PTPRN2: variants seen among roughly 807,000 people sequenced by gnomAD.
The protein encoded by PTPRN2 is receptor-type tyrosine-protein phosphatase N2.
A neutral mutation model predicts 118.8 loss-of-function variants in PTPRN2; 74 were observed. That is an observed-to-expected ratio of 0.62 (90% CI 0.52 to 0.76). PTPRN2 has a LOEUF of 0.76. Among genes scored for constraint, PTPRN2 ranks in the 30% least tolerant of loss-of-function variants. The pLI is 0.00. For synonymous variants in PTPRN2, 641 were observed against 608.0 expected, an observed-to-expected ratio of 1.05 and a Z score of -0.80; for missense variants, 1,481 against 1,394.4, an observed-to-expected ratio of 1.06 and a Z score of -0.99.
intron 11 of PTPRN2, among the ~76,000 whole-genome samples, chr7:158,072,050 G>T (rs1414639494): frequency 4.1e-5 from 6 of 144,934 alleles, no homozygotes; most frequent in African/African-American, 1.5e-4. Context: ...CGTGGTGGTG[G>T]AGGTTCCCGT....
chr7:158,145,572 CCA>C (rs1242040012), intron 6 of PTPRN2, among the ~76,000 whole-genome samples: 3 of 152,216 alleles, frequency 2.0e-5, no homozygotes, highest in Non-Finnish European at 4.4e-5. Context: ...AGCAGAAAGG[CCA>C]TCAGGCACGG....
In PTPRN2 at chr7:157,674,842, G is replaced by A. The variant is rs142369840; in HGVS notation, c.2001+7883C>T. 0.012 allele frequency among the ~76,000 whole-genome samples: 1,771 copies of A among 152,216 alleles called. 8 individuals are homozygous for A. The highest frequency in any genetic ancestry group is 0.017 in the Non-Finnish European group (1,146 of 68,002). ...CCTCCCACGCCGAGCTCCTCCTGCC[G>A]GGGGGGTCTGCACAGTTCTGGGTGG... On this transcript the variant is annotated intron_variant, in intron 13 of 22. Transcript: ENST00000389418. The surrounding 1 kb of genome is among the most constrained non-coding windows in gnomAD (Gnocchi z 4.5).
chr7:158,302,115 T>A (rs1383401825), intron 3 of PTPRN2, among the ~76,000 whole-genome samples: 1 of 152,170 alleles, frequency 6.6e-6, no homozygotes, highest in Non-Finnish European at 1.5e-5. Flanking sequence ...ATTTCAGTGA[T>A]GGGAAAACAA....
chr7:158,137,588 C>A (rs550743280), intron 7 of PTPRN2, among the ~76,000 whole-genome samples: 19 of 152,232 alleles, frequency 1.2e-4, no homozygotes, highest in Middle Eastern at 3.4e-3. Context: ...ACTGGGCGAC[C>A]ACCTAACACA....
At chr7:158,443,854 C>A (rs1236157182) in intron 2 of PTPRN2, among the ~76,000 whole-genome samples, 1 of 152,114 alleles carries the variant, frequency 6.6e-6, no homozygotes, top group Non-Finnish European at 1.5e-5. Flanking sequence ...TGTTGGCCAC[C>A]AGCAACGGGG....
At chr7:158,401,625 A>G (rs116304509) in intron 2 of PTPRN2, among the ~76,000 whole-genome samples, 3,136 of 152,384 alleles carry the variant, frequency 0.021, 93 homozygotes, top group African/African-American at 0.07. Flanking sequence ...GAGGAACTCA[A>G]AAAGGGAAAT....
chr7:157,826,939 A>G (rs1041450003), intron 12 of PTPRN2, among the ~76,000 whole-genome samples: 1 of 152,134 alleles, frequency 6.6e-6, no homozygotes, highest in Non-Finnish European at 1.5e-5. Context: ...AGGGGTCTAT[A>G]CTGACCCGGC....
At chr7:157,675,171 C>G (rs899013968) in intron 13 of PTPRN2, among the ~76,000 whole-genome samples, 1 of 152,220 alleles carries the variant, frequency 6.6e-6, no homozygotes, top group African/African-American at 2.4e-5. Context: ...CCAACACCCA[C>G]TTTATTTCAC....
rs979015263 is a variant in PTPRN2, at chr7:158,073,899, C to A, written c.1723+7399G>T. 4.6e-5 allele frequency among the ~76,000 whole-genome samples: 7 copies of A among 152,190 alleles called. No homozygotes were observed. In the East Asian group the frequency reaches 1.3e-3, roughly 29 times the overall value. ...CCTCCAGCAAAACCTGAGGCCTCGT[C>A]CCCCAGGCCCACAGCCCAGCGGCAT... On this transcript the variant is annotated intron_variant, in intron 11 of 22. Transcript: ENST00000389418.
At chr7:158,405,444 G>A (rs1382794688) in intron 2 of PTPRN2, among the ~76,000 whole-genome samples, 1 of 152,236 alleles carries the variant, frequency 6.6e-6, no homozygotes, top group African/African-American at 2.4e-5. Context: ...CCCCCTGGAG[G>A]AAATGTTTTT....
chr7:157,717,966 C>T (rs555307301), intron 12 of PTPRN2, among the ~76,000 whole-genome samples: 4 of 152,252 alleles, frequency 2.6e-5, no homozygotes, highest in Non-Finnish European at 4.4e-5. Flanking sequence ...TGTATTTCTA[C>T]GCGTGTGGGC....
intron 12 of PTPRN2, among the ~76,000 whole-genome samples, chr7:157,698,102 G>A (rs1480956866): frequency 1.3e-5 from 2 of 152,348 alleles, no homozygotes; most frequent in Admixed American, 1.3e-4. Context: ...ATAAGATTTT[G>A]CCACATTGCT....
At chr7:157,782,168 C>G (rs973432426) in intron 12 of PTPRN2, among the ~76,000 whole-genome samples, 3 of 152,252 alleles carry the variant, frequency 2.0e-5, no homozygotes, top group African/African-American at 7.2e-5. Context: ...ACCGTAGACC[C>G]CATGCTGAGG....
chr7:158,238,076 CG>C (rs1454290886), intron 3 of PTPRN2, among the ~76,000 whole-genome samples: 1 of 152,160 alleles, frequency 6.6e-6, no homozygotes, highest in Non-Finnish European at 1.5e-5. Context: ...AGTGCAGCCG[CG>C]GCCTCCTGCT....
chr7:157,758,865 G>A (rs1274196085), intron 12 of PTPRN2, among the ~76,000 whole-genome samples: 3 of 152,172 alleles, frequency 2.0e-5, no homozygotes, highest in African/African-American at 7.2e-5. Context: ...CCCTGCCTGC[G>A]TGGCTGCTCT....
At chr7:158,545,616 T>C (rs971673010) in intron 1 of PTPRN2, among the ~76,000 whole-genome samples, 3 of 152,194 alleles carry the variant, frequency 2.0e-5, no homozygotes, top group Admixed American at 1.3e-4. Flanking sequence ...AGTCTTGTCT[T>C]GGTGAAATCA....
intron 12 of PTPRN2, chr7:157,740,413 C>T (rs956166208): frequency 2.0e-5 from 3 of 149,360 alleles, no homozygotes; most frequent in Admixed American, 2.0e-4. Flanking sequence ...TCCGGAACAT[C>T]GTCTCCCTCC....
In PTPRN2 at chr7:158,506,448, G is replaced by T. The variant is rs529508422; in HGVS notation, c.113-16663C>A. Among the ~76,000 whole-genome samples, 4 of 152,238 alleles carry T rather than the reference G, an allele frequency of 2.6e-5. No individual in the cohort carries two copies. The South Asian group carries it at 8.3e-4, about 32-fold the overall frequency. ...TGTGGTGGCAATTGTGCAGAGCAAA[G>T]CACTTCAGAGGCTTCCTGAGCCAAG... On this transcript the variant is annotated intron_variant, in intron 1 of 22. Transcript: ENST00000389418.
rs541746240 is a variant in PTPRN2, at chr7:157,591,148, G to C, written c.2496+4090C>G. Among the ~76,000 whole-genome samples, 8 of 152,310 alleles carry C rather than the reference G, an allele frequency of 5.3e-5. No homozygotes were observed. The highest frequency in any genetic ancestry group is 3.4e-3 in the Middle Eastern group (1 of 294). Reference sequence around the variant, plus strand: ...CATAAATCCACGGTGGGGAAAAGCTGTGTGACAGGGAGGCAGAGATGAGGG... The same window carrying C: ...CATAAATCCACGGTGGGGAAAAGCTCTGTGACAGGGAGGCAGAGATGAGGG... On this transcript the variant is annotated intron_variant, in intron 17 of 22. Transcript: ENST00000389418. This position sits in a 1 kb window ranked among gnomAD's most constrained non-coding sequence, Gnocchi z 4.4.
Sources: allele counts gnomAD v4.1 joint callset (sites outside exome capture counted in the v4.1 genomes callset), GRCh38; gene constraint gnomAD v4.1.1; non-coding constraint Gnocchi (gnomAD v3.1); transcripts MANE v1.5; gene names NCBI Gene and HGNC (gene_info 2026-07-23, HGNC 2026-07-21).